Variants in TOP1 observed in about 807,000 individuals in gnomAD.
TOP1 encodes DNA topoisomerase 1.
A neutral mutation model predicts 111.1 loss-of-function variants in TOP1; 10 were observed. That is an observed-to-expected ratio of 0.09 (90% confidence interval 0.06 to 0.15). The LOEUF (loss-of-function observed/expected upper bound fraction) is 0.15. Ranked by LOEUF, TOP1 falls within the 10% of genes least tolerant of loss-of-function variation. The probability of loss-of-function intolerance (pLI) is 1.00; values close to 1 mark genes in which losing one functional copy is unlikely to be tolerated. For synonymous variants in TOP1, 271 were observed against 302.9 expected (o/e 0.89, Z 1.10); for missense variants, 474 against 926.7 (o/e 0.51, Z 6.34).
intron 18 of TOP1, among the ~76,000 whole-genome samples, chr20:41,120,245 C>G (rs999694046): frequency 1.3e-5 from 2 of 152,200 alleles, no homozygotes; most frequent in African/African-American, 4.8e-5. Context: ...TATATAGAAT[C>G]AGTCCCCTCA....
chr20:41,080,204 ACTTTTG>A lies in TOP1; in HGVS notation c.431+25_431+30del, dbSNP rs1271102682. On this transcript the variant is annotated intron_variant, in intron 6 of 20. Coordinates refer to ENST00000361337, the MANE Select transcript of TOP1 (RefSeq NM_003286.4). The surrounding 1 kb of genome is among the most constrained non-coding windows in gnomAD (Gnocchi z 5.0). ...GAGTGAGTATTTTCTTAAAACTTTG[ACTTTTG>A]AAAACAAAAAGGAGGAGTTTAAAGA... 2.9e-6 allele frequency: 4 copies of A among 1,402,606 alleles called. No homozygotes were observed. The Admixed American group carries it at 5.9e-5, about 21-fold the overall frequency. 86.9% of individuals were successfully genotyped at this position (1,402,606 alleles called of 1,614,324 possible).
In TOP1 at chr20:41,067,910, G is replaced by T. The variant is rs1055685552; in HGVS notation, c.155+6420G>T. Among the ~76,000 whole-genome samples the T allele has an allele frequency of 2.6e-5, 4 of 152,174 alleles. No homozygotes were observed. Among genetic ancestry groups the T allele is most frequent in the African/African-American group, 9.7e-5 (4 of 41,438 alleles). On this transcript the variant is annotated intron_variant, in intron 3 of 20. Transcript: ENST00000361337. This position sits in a 1 kb window ranked among gnomAD's most constrained non-coding sequence, Gnocchi z 4.0. Reference sequence around the variant, plus strand: ...TGCAAGGTGCAAAACAAGGGAGTAGGTATTAAGAATCATTTCATCTTGTCT... The same window carrying T: ...TGCAAGGTGCAAAACAAGGGAGTAGTTATTAAGAATCATTTCATCTTGTCT...
intron 14 of TOP1, among the ~76,000 whole-genome samples, chr20:41,113,190 A>G (rs1352510672): frequency 1.3e-5 from 2 of 152,204 alleles, no homozygotes; most frequent in East Asian, 3.8e-4. Context: ...AGGTATCACC[A>G]TTATATAGTT....
At chr20:41,090,720 G>A (rs1301463907) in intron 8 of TOP1, among the ~76,000 whole-genome samples, 2 of 152,086 alleles carry the variant, frequency 1.3e-5, no homozygotes, top group African/African-American at 4.8e-5. Flanking sequence ...TGGCCAGGCT[G>A]GTCTCGAACT....
intron 2 of TOP1, among the ~76,000 whole-genome samples, chr20:41,044,916 T>C (rs376059798): frequency 1.3e-5 from 2 of 152,080 alleles, no homozygotes; most frequent in South Asian, 2.1e-4. Flanking sequence ...AGCCTCCCGA[T>C]AGCTAGGATT....
chr20:41,050,517 C>T (rs2033392242), intron 2 of TOP1, among the ~76,000 whole-genome samples: 1 of 152,216 alleles, frequency 6.6e-6, no homozygotes, highest in Admixed American at 6.5e-5. Context: ...AAGGACTCTT[C>T]TGTAGGCTAC....
At chr20:41,081,320 G>C (rs2033786038) in intron 7 of TOP1, 80 bp downstream of exon 7, 1 of 1,480,126 alleles carries the variant, frequency 6.8e-7, no homozygotes, top group East Asian at 2.4e-5. Context: ...TAAGACAAAT[G>C]AGTTTTAGAT....
intron 8 of TOP1, among the ~76,000 whole-genome samples, chr20:41,085,648 A>G (rs908490874): frequency 1.3e-5 from 2 of 152,248 alleles, no homozygotes; most frequent in Non-Finnish European, 2.9e-5. Context: ...GTCTTCTCCC[A>G]TTCTCATTTT....
chr20:41,052,499 G>A (rs909006116), intron 2 of TOP1, among the ~76,000 whole-genome samples: 1 of 152,106 alleles, frequency 6.6e-6, no homozygotes, highest in Non-Finnish European at 1.5e-5. Flanking sequence ...CTTGTACTTG[G>A]TTTCCATATC....
At chr20:41,081,318 A>G (rs2033786004) in intron 7 of TOP1, 78 bp downstream of exon 7, 2 of 1,486,870 alleles carry the variant, frequency 1.3e-6, no homozygotes, top group Non-Finnish European at 1.8e-6. Flanking sequence ...CTTAAGACAA[A>G]TGAGTTTTAG....
chr20:41,076,268 G>A lies in TOP1; in HGVS notation c.253G>A (p.Asp85Asn), dbSNP rs2033726428. The A allele has an allele frequency of 6.2e-7, 1 of 1,608,794 alleles. No individual in the cohort carries two copies. The highest frequency in any genetic ancestry group is 1.7e-5 in the Admixed American group (1 of 59,462). Residue 85 changes from aspartate (D) to asparagine (N), a missense_variant, in exon 4 of 21, where the codon GAC becomes AAC. Coordinates refer to ENST00000361337, the MANE Select transcript of TOP1 (RefSeq NM_003286.4). ...GCATAAAGACAAACATAAAGACAGAGACAAGGAAAAACGAAAAGAGGAAAA... is the reference window on the plus strand; with the variant it reads ...GCATAAAGACAAACATAAAGACAGAAACAAGGAAAAACGAAAAGAGGAAAA... Reference protein sequence around the residue: ...EKHKDKHKDRDKEKRKEEKVR... With the variant: ...EKHKDKHKDRNKEKRKEEKVR...
intron 14 of TOP1, 148 bp from the exon 15 acceptor site, chr20:41,113,822 G>T (rs1175021141): frequency 2.1e-5 from 12 of 559,562 alleles, no homozygotes; most frequent in African/African-American, 2.1e-4. Context: ...GACGGAGCTT[G>T]CAGTGAGCCA....
chr20:41,047,274 G>T (rs2033345932), intron 2 of TOP1, among the ~76,000 whole-genome samples: 1 of 152,184 alleles, frequency 6.6e-6, no homozygotes, highest in Non-Finnish European at 1.5e-5. Context: ...TATAATGATG[G>T]TCCCATAAGA....
rs192981426 is a variant in TOP1 at position 41,113,893 on chromosome 20, A to C, written c.1453-77A>C. On this transcript the variant is annotated intron_variant, in intron 14 of 20. Transcript: ENST00000361337. ...CGAGACTGTCTCAAAAAAAAAAAAA[A>C]AAAAAACACAGAACGAAATTGTGTA... 2.5e-3 allele frequency: 3,065 copies of C among 1,248,106 alleles called. 36 individuals carry two copies. The Admixed American group carries it at 0.043, about 18-fold the overall frequency. 77.3% of individuals were successfully genotyped at this position (1,248,106 alleles called of 1,614,324 possible).
At chr20:41,054,816 A>G (rs565612964) in intron 2 of TOP1, among the ~76,000 whole-genome samples, 2 of 152,358 alleles carry the variant, frequency 1.3e-5, no homozygotes, top group South Asian at 2.1e-4. Context: ...AAACAGTAGG[A>G]AAAGGATTTC....
At chr20:41,117,006 A>G (rs1209684351) in intron 17 of TOP1, among the ~76,000 whole-genome samples, 1 of 152,228 alleles carries the variant, frequency 6.6e-6, no homozygotes, top group Non-Finnish European at 1.5e-5. Context: ...ATGCCACACT[A>G]TACAAATAAA....
At chr20:41,036,938 C>G (rs945229670) in intron 2 of TOP1, among the ~76,000 whole-genome samples, 3 of 150,038 alleles carry the variant, frequency 2.0e-5, no homozygotes, top group Admixed American at 6.7e-5. Flanking sequence ...TCACGCCATT[C>G]TCCTGCCTTA....
rs2033090458 is a variant in TOP1, at chr20:41,029,559, TAA to T, written c.58+105_58+106del. On this transcript the variant is annotated intron_variant, in intron 2 of 20. Transcript: ENST00000361337. This position sits in a 1 kb window ranked among gnomAD's most constrained non-coding sequence, Gnocchi z 6.1. Reference sequence around the variant, plus strand: ...AGGACAGACATGGCGTCCCAGAGACTAAGTCCCGGCTCCTCGCTCACCGGCCC... The same window carrying T: ...AGGACAGACATGGCGTCCCAGAGACTGTCCCGGCTCCTCGCTCACCGGCCC... The T allele has an allele frequency of 1.1e-6, 1 of 918,206 alleles. No homozygotes were observed. The allele number at this position is 918,206 out of a possible 1,614,324, so 56.9% of individuals were successfully genotyped here. A position where few individuals can be genotyped will look rare whatever the true frequency, so the allele number is the denominator to read the frequency against.
Position 41,114,155 on chromosome 20 carries a change from A to G in TOP1, c.1638A>G (p.Arg546=), listed in dbSNP as rs1238925002. 3 of 1,612,062 alleles carry G rather than the reference A, an allele frequency of 1.9e-6. No homozygotes were observed. In the East Asian group the frequency reaches 6.7e-5, roughly 36 times the overall value. Residue 546 remains arginine, a splice_region_variant and synonymous_variant, in exon 15 of 21, where the codon CGA becomes CGG. Transcript: ENST00000361337. The surrounding 1 kb of genome is among the most constrained non-coding windows in gnomAD (Gnocchi z 4.5). Reference sequence around the variant, plus strand: ...ATAACAAGGTCCCTGTTGAGAAACGAGTAAGTTAATGTACCTGTACTGTCT... The same window carrying G: ...ATAACAAGGTCCCTGTTGAGAAACGGGTAAGTTAATGTACCTGTACTGTCT... The part of the protein sequence containing the change: ...RYYNKVPVEK[R]VFKNLQLFME...
Sources: gnomAD v4.1 joint callset for allele counts (sites outside exome capture counted in the v4.1 genomes callset) on GRCh38, gnomAD v4.1.1 for gene constraint, Gnocchi (gnomAD v3.1) non-coding constraint, MANE v1.5 for transcripts, NCBI Gene and HGNC (gene_info 2026-07-23, HGNC 2026-07-21) for gene names.